The following GABRB1 variants were observed in gnomAD, a reference collection of about 807,000 sequenced individuals.
GABRB1 encodes the protein gamma-aminobutyric acid type A receptor subunit beta1.
In GABRB1, 17 loss-of-function variants were observed where a neutral mutation model predicts 51.6. That is an observed-to-expected ratio of 0.33 (90% CI 0.23 to 0.49). GABRB1 has a LOEUF of 0.49. Ranked by LOEUF, GABRB1 falls within the 20% of genes least tolerant of loss-of-function variation. The pLI, the probability that GABRB1 is intolerant of heterozygous loss-of-function variation, is 0.99. For synonymous variants in GABRB1, 247 were observed against 218.9 expected, an observed-to-expected ratio of 1.13 and a Z score of -1.14; for missense variants, 410 against 600.6, an observed-to-expected ratio of 0.68 and a Z score of 3.32.
rs537363875 is a variant in GABRB1, at chr4:47,159,714, G to T, written c.241-1535G>T. 4.0e-4 allele frequency among the ~76,000 whole-genome samples: 61 copies of T among 152,138 alleles called. No homozygotes were observed. The South Asian group carries it at 8.1e-3, about 20-fold the overall frequency. On this transcript the variant is annotated intron_variant, in intron 3 of 8. Coordinates refer to ENST00000295454, the MANE Select transcript of GABRB1 (RefSeq NM_000812.4). ...GACCCTGGAATTCATTGTGAGGAATGAATATTGTTTTATATTTTAAGATTT... is the reference window on the plus strand; with the variant it reads ...GACCCTGGAATTCATTGTGAGGAATTAATATTGTTTTATATTTTAAGATTT...
At chr4:47,420,991 ATCAGC>A (rs1222427892) in intron 8 of GABRB1, among the ~76,000 whole-genome samples, 2 of 149,014 alleles carry the variant, frequency 1.3e-5, no homozygotes, top group Non-Finnish European at 3.0e-5. Flanking sequence ...GTCTGTTAAC[ATCAGC>A]CTTTAGGACA....
chr4:47,153,574 G>A (rs1384785870), intron 3 of GABRB1, among the ~76,000 whole-genome samples: 2 of 151,944 alleles, frequency 1.3e-5, no homozygotes, highest in Non-Finnish European at 1.5e-5. Context: ...TACAGGCTCA[G>A]AGTTTCATAT....
chr4:47,005,438 A>G (rs970221210), intron 1 of GABRB1, among the ~76,000 whole-genome samples: 5 of 151,996 alleles, frequency 3.3e-5, no homozygotes, highest in Non-Finnish European at 7.4e-5. Flanking sequence ...ACAAACAAAC[A>G]AAAACTGTTC....
At chr4:47,020,154 G>T (rs1724888757) in intron 1 of GABRB1, among the ~76,000 whole-genome samples, 1 of 151,814 alleles carries the variant, frequency 6.6e-6, no homozygotes, top group Non-Finnish European at 1.5e-5. Context: ...GTCCTCACAT[G>T]GCCTTTCCAC....
chr4:47,011,665 T>C (rs1724584766), intron 1 of GABRB1, among the ~76,000 whole-genome samples: 1 of 152,228 alleles, frequency 6.6e-6, no homozygotes. Context: ...GTATTTTTCA[T>C]ATAGTTTCAA....
At chr4:47,018,487 T>C (rs1358247984) in intron 1 of GABRB1, among the ~76,000 whole-genome samples, 1 of 152,112 alleles carries the variant, frequency 6.6e-6, no homozygotes, top group African/African-American at 2.4e-5. Context: ...TTAAAATATG[T>C]AGTTGACCTT....
chr4:47,002,110 T>C (rs1166551289), intron 1 of GABRB1, among the ~76,000 whole-genome samples: 3 of 152,238 alleles, frequency 2.0e-5, no homozygotes, highest in African/African-American at 7.2e-5. Flanking sequence ...CTTTTGACTT[T>C]TCAGTCAAAC....
At chr4:47,179,309 C>T (rs116819412) in intron 4 of GABRB1, among the ~76,000 whole-genome samples, 2,851 of 152,172 alleles carry the variant, frequency 0.019, 51 homozygotes, top group South Asian at 0.067. Context: ...CTTTTTATAT[C>T]ACATTTTCTT....
intron 4 of GABRB1, among the ~76,000 whole-genome samples, chr4:47,276,361 T>A (rs992639948): frequency 6.6e-6 from 1 of 152,132 alleles, no homozygotes; most frequent in African/African-American, 2.4e-5. Flanking sequence ...TTTTCAATAA[T>A]CTTTCAGGGA....
chr4:47,367,184 C>T (rs1343766658), intron 5 of GABRB1, among the ~76,000 whole-genome samples: 1 of 152,178 alleles, frequency 6.6e-6, no homozygotes, highest in Admixed American at 6.5e-5. Flanking sequence ...ATTATTATAT[C>T]CACCACTCAC....
At chr4:47,212,678 CA>C (rs1484949961) in intron 4 of GABRB1, among the ~76,000 whole-genome samples, 3 of 151,674 alleles carry the variant, frequency 2.0e-5, no homozygotes, top group Non-Finnish European at 4.4e-5. Context: ...GACACTGTCT[CA>C]AAAACAAAAA....
intron 4 of GABRB1, among the ~76,000 whole-genome samples, chr4:47,287,901 CCAA>C (rs1454538048): frequency 6.6e-6 from 1 of 152,150 alleles, no homozygotes; most frequent in Non-Finnish European, 1.5e-5. Context: ...CTTAACCCTA[CCAA>C]CAACCTTGTA....
intron 3 of GABRB1, among the ~76,000 whole-genome samples, chr4:47,087,250 G>T (rs112605879): frequency 6.6e-6 from 1 of 151,036 alleles, no homozygotes; most frequent in Non-Finnish European, 1.5e-5. Context: ...GACTCCAGGC[G>T]TATGATACAA....
chr4:47,246,329 C>CAT (rs1233122369), intron 4 of GABRB1, among the ~76,000 whole-genome samples: 5 of 29,036 alleles, frequency 1.7e-4, no homozygotes, highest in South Asian at 1.1e-3. Flanking sequence ...CACACACACA[C>CAT]ATATGTACAT....
intron 3 of GABRB1, among the ~76,000 whole-genome samples, chr4:47,069,776 A>G (rs1727240124): frequency 6.6e-6 from 1 of 152,070 alleles, no homozygotes; most frequent in African/African-American, 2.4e-5. Flanking sequence ...TTTTATCTCA[A>G]ATATAGTCCT....
chr4:47,172,962 G>A (rs945376389), intron 4 of GABRB1, among the ~76,000 whole-genome samples: 3 of 152,046 alleles, frequency 2.0e-5, no homozygotes, highest in South Asian at 2.1e-4. Flanking sequence ...CAGGGATAGA[G>A]CTATTAGGGT....
chr4:47,157,606 G>C (rs1717760771), intron 3 of GABRB1, among the ~76,000 whole-genome samples: 1 of 152,092 alleles, frequency 6.6e-6, no homozygotes, highest in Admixed American at 6.6e-5. Flanking sequence ...TGTTATAATA[G>C]ATATGAAAGG....
At chr4:47,107,373 AC>A (rs1715012845) in intron 3 of GABRB1, among the ~76,000 whole-genome samples, 1 of 151,986 alleles carries the variant, frequency 6.6e-6, no homozygotes, top group African/African-American at 2.4e-5. Context: ...TCAACTGCTC[AC>A]CAACCTAATT....
intron 4 of GABRB1, among the ~76,000 whole-genome samples, chr4:47,223,377 T>C (rs1186467121): frequency 6.6e-6 from 1 of 151,936 alleles, no homozygotes; most frequent in Non-Finnish European, 1.5e-5. Context: ...AAATGGAAAA[T>C]AGAACCTAGG....
Sources: allele counts gnomAD v4.1 joint callset (sites outside exome capture counted in the v4.1 genomes callset), GRCh38; gene constraint gnomAD v4.1.1; transcripts MANE v1.5; gene names NCBI Gene and HGNC (gene_info 2026-07-23, HGNC 2026-07-21).